Variants in APBA1 observed in about 807,000 individuals in gnomAD.
APBA1 encodes the protein amyloid-beta A4 precursor protein-binding family A member 1.
In APBA1, 55 loss-of-function variants were observed where a neutral mutation model predicts 86.6. That is an observed-to-expected ratio of 0.64 (90% CI 0.51 to 0.80). The LOEUF (loss-of-function observed/expected upper bound fraction) is 0.80. APBA1 is among the 30% of genes least tolerant of loss of function. APBA1 has a pLI of 0.00. For synonymous variants in APBA1, 511 were observed against 493.9 expected, an observed-to-expected ratio of 1.03 and a Z score of -0.46; for missense variants, 1,090 against 1,183.0, an observed-to-expected ratio of 0.92 and a Z score of 1.15.
intron 1 of APBA1, among the ~76,000 whole-genome samples, chr9:69,581,778 G>A (rs901277908): frequency 2.0e-4 from 30 of 152,108 alleles, no homozygotes; most frequent in Admixed American, 1.4e-3. Flanking sequence ...ATGTGACCCC[G>A]GTCAAGTCAC....
chr9:69,636,914 G>GGAAGGAAGGAAGGAAA (rs1564098924), intron 1 of APBA1, among the ~76,000 whole-genome samples: 26 of 98,772 alleles, frequency 2.6e-4, no homozygotes, highest in African/African-American at 9.1e-4. Context: ...AAGGAAGGAA[G>GGAAGGAAGGAAGGAAA]GAAGGAAGGA....
intron 1 of APBA1, among the ~76,000 whole-genome samples, chr9:69,566,279 T>C (rs931682008): frequency 1.3e-5 from 2 of 152,210 alleles, no homozygotes; most frequent in African/African-American, 4.8e-5. Context: ...CATGCCCTGG[T>C]CTGGGGTCCC....
At chr9:69,525,199 T>C (rs1836322906) in intron 1 of APBA1, among the ~76,000 whole-genome samples, 1 of 152,132 alleles carries the variant, frequency 6.6e-6, no homozygotes, top group Non-Finnish European at 1.5e-5. Context: ...CGTCATCACC[T>C]ATTCAGCATA....
At chr9:69,555,623 T>TA (rs1836848759) in intron 1 of APBA1, among the ~76,000 whole-genome samples, 2 of 152,238 alleles carry the variant, frequency 1.3e-5, no homozygotes, top group Middle Eastern at 6.8e-3. Context: ...TGGCAAAATA[T>TA]AAAAAAAGTT....
intron 1 of APBA1, among the ~76,000 whole-genome samples, chr9:69,584,870 T>TTCATATGG (rs1390791386): frequency 6.6e-6 from 1 of 152,182 alleles, no homozygotes; most frequent in Non-Finnish European, 1.5e-5. Context: ...CCAGGATGAA[T>TTCATATGG]TAGTCATAAT....
chr9:69,536,434 CT>C (rs2133912530), intron 1 of APBA1, among the ~76,000 whole-genome samples: 1 of 152,052 alleles, frequency 6.6e-6, no homozygotes, highest in South Asian at 2.1e-4. Context: ...GCCCCATCCT[CT>C]TGTATTACGT....
chr9:69,670,231 G>A (rs1823921071), intron 1 of APBA1, among the ~76,000 whole-genome samples: 2 of 151,586 alleles, frequency 1.3e-5, no homozygotes, highest in Admixed American at 1.3e-4. Context: ...TAAGATACAT[G>A]GGAAGAAAAA....
In APBA1 at chr9:69,659,770, A is replaced by G. The variant is rs142165660; in HGVS notation, c.-70+12383T>C. Among the ~76,000 whole-genome samples the G allele has an allele frequency of 3.0e-3, 452 of 152,372 alleles. 2 individuals carry two copies. The highest frequency in any genetic ancestry group is 9.5e-3 in the African/African-American group (397 of 41,590). On this transcript the variant is annotated intron_variant, in intron 1 of 12. Transcript: ENST00000265381. The stretch of plus-strand genomic sequence containing the variant: ...TTTAGGACTAGACATCATCTACCAT[A>G]GCAGTAACAATTTATGTCAAGTCAA...
intron 5 of APBA1, 136 bp from the exon 6 acceptor site, chr9:69,458,324 A>G (rs1483056548): frequency 3.1e-6 from 2 of 646,726 alleles, no homozygotes; most frequent in Non-Finnish European, 4.9e-6. Flanking sequence ...ACTGGCTTTT[A>G]AAAATCCCAG....
At chr9:69,595,370 A>G (rs985307241) in intron 1 of APBA1, among the ~76,000 whole-genome samples, 20 of 152,186 alleles carry the variant, frequency 1.3e-4, no homozygotes, top group African/African-American at 4.8e-4. Context: ...CTAGTTCCCA[A>G]TGTGTGCCTT....
chr9:69,644,306 A>T (rs543610761), intron 1 of APBA1, among the ~76,000 whole-genome samples: 1 of 152,148 alleles, frequency 6.6e-6, no homozygotes, highest in African/African-American at 2.4e-5. Context: ...CCTGTTTTAC[A>T]TGTCTACTAA....
At chr9:69,535,860 T>A (rs1228379746) in intron 1 of APBA1, among the ~76,000 whole-genome samples, 1 of 152,112 alleles carries the variant, frequency 6.6e-6, no homozygotes, top group East Asian at 1.9e-4. Context: ...CTTTTTAGAG[T>A]TCTCTGAACA....
intron 2 of APBA1, among the ~76,000 whole-genome samples, chr9:69,494,716 C>T (rs1449341979): frequency 1.3e-5 from 2 of 152,208 alleles, no homozygotes; most frequent in East Asian, 3.9e-4. Flanking sequence ...GACCACTGGC[C>T]CTTAGCTCTG....
intron 1 of APBA1, among the ~76,000 whole-genome samples, chr9:69,654,252 A>G (rs1823564146): frequency 6.6e-6 from 1 of 152,158 alleles, no homozygotes; most frequent in Non-Finnish European, 1.5e-5. Context: ...CAAGAAAAGA[A>G]ATAACAAATA....
rs1834534546 is a variant in APBA1, at chr9:69,428,768, C to T, written c.*2559G>A. 1 of 152,162 alleles carries T rather than the reference C, an allele frequency of 6.6e-6. No individual in the cohort carries two copies. Among genetic ancestry groups the T allele is most frequent in the African/African-American group, 2.4e-5 (1 of 41,430 alleles). 9.4% of individuals were successfully genotyped at this position (152,162 alleles called of 1,614,324 possible). On this transcript the variant is annotated 3_prime_UTR_variant, in exon 13 of 13. Coordinates refer to ENST00000265381, the MANE Select transcript of APBA1 (RefSeq NM_001163.4). ...CTGCTGAGGTGACCATACCTAGGCTCACTCCCTTGCCCCAGTGGTAGTGGG... is the reference window on the plus strand; with the variant it reads ...CTGCTGAGGTGACCATACCTAGGCTTACTCCCTTGCCCCAGTGGTAGTGGG...
chr9:69,566,319 G>A (rs1220525433), intron 1 of APBA1, among the ~76,000 whole-genome samples: 2 of 152,132 alleles, frequency 1.3e-5, no homozygotes, highest in East Asian at 1.9e-4. Flanking sequence ...CCTTCACCAC[G>A]CTGACCATCA....
intron 1 of APBA1, among the ~76,000 whole-genome samples, chr9:69,580,832 C>G (rs544813367): frequency 6.6e-6 from 1 of 152,276 alleles, no homozygotes; most frequent in East Asian, 1.9e-4. Flanking sequence ...TCCATGTCAC[C>G]TTGGCAGCTT....
chr9:69,569,052 A>C (rs961708233), intron 1 of APBA1, among the ~76,000 whole-genome samples: 4 of 152,230 alleles, frequency 2.6e-5, no homozygotes, highest in Non-Finnish European at 5.9e-5. Flanking sequence ...GAAAGAATGA[A>C]TATTGAACAA....
At position 69,537,884 on chromosome 9, in the gene APBA1, T is replaced by C. The variant is rs923174773; in HGVS notation, c.-69-20605A>G. Among the ~76,000 whole-genome samples the C allele has an allele frequency of 1.3e-5, 2 of 152,046 alleles. 1 individual carries two copies. Among genetic ancestry groups the C allele is most frequent in the Non-Finnish European group, 2.9e-5 (2 of 67,974 alleles). On this transcript the variant is annotated intron_variant, in intron 1 of 12. Coordinates refer to ENST00000265381, the MANE Select transcript of APBA1 (RefSeq NM_001163.4). The stretch of plus-strand genomic sequence containing the variant: ...AAATGTTTTCCCCCAGTGTATCATC[T>C]GTCTTTTGACTGGCTTTATAGTTTC...
Sources: allele counts gnomAD v4.1 joint callset (sites outside exome capture counted in the v4.1 genomes callset), GRCh38; gene constraint gnomAD v4.1.1; transcripts MANE v1.5; gene names NCBI Gene and HGNC (gene_info 2026-07-23, HGNC 2026-07-21).